The following RNLS variants were observed in gnomAD, a reference collection of about 807,000 sequenced individuals.
The protein encoded by RNLS is renalase.
In RNLS, 39 loss-of-function variants were observed where a neutral mutation model predicts 39.8. That is an observed-to-expected ratio of 0.98 (90% CI 0.76 to 1.28). The LOEUF is 1.28. Among genes scored for constraint, RNLS ranks in the 50% most tolerant of loss-of-function variants. RNLS has a pLI of 0.00. For missense variants in RNLS, 410 were observed against 413.3 expected (o/e 0.99, Z 0.07); for synonymous variants, 147 against 150.7 (o/e 0.98, Z 0.18).
intron 5 of RNLS, among the ~76,000 whole-genome samples, chr10:88,331,389 A>T (rs1847098925): frequency 6.6e-6 from 1 of 152,224 alleles, no homozygotes; most frequent in Non-Finnish European, 1.5e-5. Flanking sequence ...AGAGACCAAG[A>T]CCAAAAAGAA....
At chr10:88,539,670 G>A (rs144699577) in intron 4 of RNLS, among the ~76,000 whole-genome samples, 1 of 152,098 alleles carries the variant, frequency 6.6e-6, no homozygotes, top group East Asian at 1.9e-4. Context: ...ATCAATCTCT[G>A]TAAATATCTA....
chr10:88,261,825 A>T, the RNLS span, among the ~76,000 whole-genome samples: 1 of 152,352 alleles, frequency 6.6e-6, no homozygotes, highest in East Asian at 1.9e-4. Context: ...ACAAAATCAA[A>T]CCAAAAACCA....
intron 6 of RNLS, among the ~76,000 whole-genome samples, chr10:88,287,870 A>T (rs1418820216): frequency 6.6e-6 from 1 of 151,974 alleles, no homozygotes; most frequent in Non-Finnish European, 1.5e-5. Context: ...CCCTCAACAC[A>T]TGGGAATTAT....
chr10:88,279,441 A>G (rs537281463), downstream of RNLS, among the ~76,000 whole-genome samples: 3 of 152,274 alleles, frequency 2.0e-5, no homozygotes, highest in African/African-American at 7.2e-5. Flanking sequence ...GTAAAATTGT[A>G]TCCACATTTC....
rs150092057 is a variant in RNLS, at chr10:88,365,679, T to C, written c.527-2954A>G. Among the ~76,000 whole-genome samples the C allele has an allele frequency of 2.4e-3, 366 of 152,148 alleles. 2 individuals are homozygous for C. The highest frequency in any genetic ancestry group is 8.1e-3 in the African/African-American group (337 of 41,524). On this transcript the variant is annotated intron_variant, in intron 4 of 6. Coordinates refer to ENST00000331772, the MANE Select transcript of RNLS (RefSeq NM_001031709.3). The stretch of plus-strand genomic sequence containing the variant: ...ATTGTAGTGAACAGAGTAGTTCACA[T>C]GCATACTTTCATTAATGAGGAAAAT...
intron 4 of RNLS, among the ~76,000 whole-genome samples, chr10:88,374,847 C>G (rs1355878760): frequency 3.9e-5 from 6 of 152,106 alleles, no homozygotes; most frequent in African/African-American, 1.2e-4. Flanking sequence ...CGCAACTAAC[C>G]TTGGCACTTA....
At chr10:88,345,146 A>G (rs1400208923) in intron 5 of RNLS, among the ~76,000 whole-genome samples, 1 of 152,154 alleles carries the variant, frequency 6.6e-6, no homozygotes, top group Non-Finnish European at 1.5e-5. Flanking sequence ...ACATCTGGGC[A>G]AAAAGATGGA....
intron 4 of RNLS, among the ~76,000 whole-genome samples, chr10:88,559,777 G>A (rs1849071829): frequency 6.6e-6 from 1 of 151,966 alleles, no homozygotes; most frequent in South Asian, 2.1e-4. Flanking sequence ...CTGTTTGAGT[G>A]GACTCTATAT....
At chr10:88,196,745 C>A in the RNLS span, among the ~76,000 whole-genome samples, 5 of 152,198 alleles carry the variant, frequency 3.3e-5, no homozygotes, top group Non-Finnish European at 7.3e-5. Flanking sequence ...CCCGGGTGAC[C>A]TGCAGACCCG....
At chr10:88,231,959 T>TGTGTGTGTGTGTGTGTGTGTGTGTGTG in the RNLS span, among the ~76,000 whole-genome samples, 2 of 152,046 alleles carry the variant, frequency 1.3e-5, no homozygotes, top group Admixed American at 1.3e-4. Context: ...TGTGTGTGTG[T>TGTGTGTGTGTGTGTGTGTGTGTGTGTG]GTGTGTGTGT....
intron 4 of RNLS, among the ~76,000 whole-genome samples, chr10:88,467,168 G>A (rs1430820052): frequency 2.6e-5 from 4 of 152,050 alleles, no homozygotes; most frequent in Non-Finnish European, 5.9e-5. Flanking sequence ...GGGCTGTAAG[G>A]CAAGGCCAGT....
rs143839878 is a variant in RNLS at position 88,358,594 on chromosome 10, C to T, written c.700+3958G>A. Among the ~76,000 whole-genome samples the T allele has an allele frequency of 2.9e-3, 434 of 152,246 alleles. 2 individuals are homozygous for T. The highest frequency in any genetic ancestry group is 9.8e-3 in the African/African-American group (407 of 41,534). ...GACAGAGCCCTTTTTCAAAGAGCAACTCAAGGAAATAGTGTTCCACTGAAC... is the reference window on the plus strand; with the variant it reads ...GACAGAGCCCTTTTTCAAAGAGCAATTCAAGGAAATAGTGTTCCACTGAAC... On this transcript the variant is annotated intron_variant, in intron 5 of 6. Transcript: ENST00000331772.
the RNLS span, among the ~76,000 whole-genome samples, chr10:88,218,231 C>T: frequency 6.6e-6 from 1 of 152,192 alleles, no homozygotes; most frequent in African/African-American, 2.4e-5. Context: ...CAGATGCTGG[C>T]CCAAGCAACA....
intron 5 of RNLS, among the ~76,000 whole-genome samples, chr10:88,336,158 G>T (rs17424286): frequency 0.31 from 47,003 of 151,962 alleles, 7,638 homozygotes; most frequent in South Asian, 0.41. Context: ...TAGTTCCATA[G>T]GCAACCCTAA....
intron 4 of RNLS, among the ~76,000 whole-genome samples, chr10:88,380,793 T>TCTGA (rs1169353478): frequency 1.3e-5 from 2 of 152,204 alleles, no homozygotes; most frequent in Non-Finnish European, 2.9e-5. Context: ...AAGATCAGTC[T>TCTGA]CTGACTCTAT....
chr10:88,563,119 T>C (rs1412816572), intron 4 of RNLS, among the ~76,000 whole-genome samples: 1 of 152,198 alleles, frequency 6.6e-6, no homozygotes, highest in African/African-American at 2.4e-5. Flanking sequence ...TGATCTATTA[T>C]AAAGATGCCA....
intron 4 of RNLS, among the ~76,000 whole-genome samples, chr10:88,529,650 T>G (rs1444388725): frequency 7.9e-5 from 12 of 152,208 alleles, no homozygotes; most frequent in Admixed American, 7.9e-4. Context: ...GTCTAATTTC[T>G]GAAGGTGAGG....
intron 4 of RNLS, among the ~76,000 whole-genome samples, chr10:88,459,212 G>A (rs775377209): frequency 1.7e-4 from 26 of 151,764 alleles, no homozygotes; most frequent in Non-Finnish European, 2.9e-4. Context: ...GCTTTTGGTA[G>A]ATAAGGACTT....
the RNLS span, among the ~76,000 whole-genome samples, chr10:88,206,844 C>T: frequency 6.6e-6 from 1 of 151,906 alleles, no homozygotes; most frequent in Admixed American, 6.6e-5. Context: ...AAAAGATGAC[C>T]CTGAACAAGA....
Sources: allele counts gnomAD v4.1 joint callset (sites outside exome capture counted in the v4.1 genomes callset), GRCh38; gene constraint gnomAD v4.1.1; transcripts MANE v1.5; gene names NCBI Gene and HGNC (gene_info 2026-07-23, HGNC 2026-07-21).